The following DERL3 variants were observed in gnomAD, a reference collection of about 807,000 sequenced individuals.
DERL3 encodes the protein derlin-3.
DERL3 carries 20 observed loss-of-function variants against 23.8 expected under a neutral mutation model. The ratio of observed to expected loss-of-function variants is 0.84; its 90% CI spans 0.59 to 1.22. DERL3 has a LOEUF of 1.22. Ranked by LOEUF, DERL3 falls within the 50% of genes most tolerant of loss-of-function variation. The probability of loss-of-function intolerance (pLI) is 0.00; values close to 1 mark genes in which losing one functional copy is unlikely to be tolerated. For missense variants in DERL3, 319 were observed against 304.1 expected (o/e 1.05, Z -0.36); for synonymous variants, 145 against 132.5 (o/e 1.09, Z -0.65).
rs778469886 is a variant in DERL3, at chr22:23,838,278, T to C, written c.327+74A>G. On this transcript the variant is annotated intron_variant, in intron 4 of 6. Coordinates refer to ENST00000318109, the MANE Select transcript of DERL3 (RefSeq NM_001002862.3). Reference sequence around the variant, plus strand: ...TGTGTCCCTCTCTGGCATGGCTGTGTTGGCCCCAGGACCAACACAGGCTGG... The same window carrying C: ...TGTGTCCCTCTCTGGCATGGCTGTGCTGGCCCCAGGACCAACACAGGCTGG... The C allele has an allele frequency of 2.8e-5, 44 of 1,553,298 alleles. 2 individuals are homozygous for C. The South Asian group carries it at 4.7e-4, about 17-fold the overall frequency.
At chr22:23,838,148 T>C in intron 4 of DERL3, 1 of 1,530,100 alleles carries the variant, frequency 6.5e-7, no homozygotes, top group South Asian at 1.2e-5. Context: ...CTGGCTCTTT[T>C]GTGCATGGCT....
At position 23,838,639 on chromosome 22, in the gene DERL3, T is replaced by C. The variant is rs770342811; in HGVS notation, c.160-2A>G. ...GAAGTTGGTGACGAGCCTCCAGACC[T>C]ACGGGGGACGGGCGGTCAGGTGCGG... On this transcript the variant is annotated splice_acceptor_variant, in intron 2 of 6. Transcript: ENST00000318109. LOFTEE classifies it high-confidence loss of function. The C allele has an allele frequency of 3.3e-6, 4 of 1,195,874 alleles. No homozygotes were observed. Among genetic ancestry groups the C allele is most frequent in the South Asian group, 2.5e-5 (2 of 79,132 alleles). 74.1% of individuals were successfully genotyped at this position (1,195,874 alleles called of 1,614,324 possible).
rs1368059606 is a variant in DERL3 at position 23,837,167 on chromosome 22, C to T, written c.524-13G>A. On this transcript the variant is annotated splice_polypyrimidine_tract_variant and intron_variant, in intron 5 of 6. Transcript: ENST00000318109. ...CCCACCGCAATCCCTGTGAGACAGC[C>T]ACGGACTGTGGGGTCACCCTCCACA... is the stretch of plus-strand genomic sequence containing the variant. 4 of 1,613,548 alleles carry T rather than the reference C, an allele frequency of 2.5e-6. No individual in the cohort carries two copies. Among genetic ancestry groups the T allele is most frequent in the Non-Finnish European group, 3.4e-6 (4 of 1,179,780 alleles).
rs370330467 is a variant in DERL3 at position 23,837,819 on chromosome 22, G to A, written c.363C>T (p.Gly121=). Reference sequence around the variant, plus strand: ...ACACCAGCATGGCCATGAGGGCCTGGCCCAGGAAGAACAGGCTGCCCAGGA... The same window carrying A: ...ACACCAGCATGGCCATGAGGGCCTGACCCAGGAAGAACAGGCTGCCCAGGA... The part of the protein sequence containing the change: ...LGLLGSLFFL[G]QALMAMLVYV... Residue 121 remains glycine (G), a synonymous_variant, in exon 5 of 7, where the codon GGC becomes GGT. Coordinates refer to ENST00000318109, the MANE Select transcript of DERL3 (RefSeq NM_001002862.3). 5 of 1,613,476 alleles carry A rather than the reference G, an allele frequency of 3.1e-6. No homozygotes were observed. In the African/African-American group the frequency reaches 5.3e-5, roughly 17 times the overall value.
In DERL3 at chr22:23,836,715, G is replaced by C. The variant is rs762241597; in HGVS notation, c.*154C>G. 5.2e-6 allele frequency: 7 copies of C among 1,343,042 alleles called. No homozygotes were observed. The highest frequency in any genetic ancestry group is 5.7e-6 in the Non-Finnish European group (6 of 1,053,988). The allele number at this position is 1,343,042 out of a possible 1,614,324, so 83.2% of individuals were successfully genotyped here. On this transcript the variant is annotated 3_prime_UTR_variant, in exon 7 of 7. Coordinates refer to ENST00000318109, the MANE Select transcript of DERL3 (RefSeq NM_001002862.3). ...GTGGCCAGGTGAGATGGGGAAGCCA[G>C]TGCTGTGGGCCAAGAGACTGCAGCT...
chr22:23,837,418 C>T (rs950018991), intron 5 of DERL3: 23 of 640,108 alleles, frequency 3.6e-5, no homozygotes, highest in Non-Finnish European at 4.8e-5. Flanking sequence ...CTGACCCTCC[C>T]ATCCTCACTC....
Position 23,837,719 on chromosome 22 carries a change from G to A in DERL3, c.463C>T (p.Pro155Ser), listed in dbSNP as rs950920056. 2 of 1,614,042 alleles carry A rather than the reference G, an allele frequency of 1.2e-6. No individual in the cohort carries two copies. Among genetic ancestry groups the A allele is most frequent in the South Asian group, 2.2e-5 (2 of 91,090 alleles). Residue 155 changes from proline (P) to serine (S), a missense_variant, in exon 5 of 7, where the codon CCT becomes TCT. By Grantham distance (74) the Pro-to-Ser change is moderately conservative. Coordinates refer to ENST00000318109, the MANE Select transcript of DERL3 (RefSeq NM_001002862.3). Reference sequence around the variant, plus strand: ...AGCGAGAAGCCCATGAGCGCCCAAGGCAGGAACGGTGCCTGGAAAGTGAGC... The same window carrying A: ...AGCGAGAAGCCCATGAGCGCCCAAGACAGGAACGGTGCCTGGAAAGTGAGC... ...GLLTFQAPFL[P>S]WALMGFSLLL...
At chr22:23,837,906 C>A (rs1291144603) in intron 4 of DERL3, 52 bp from the exon 5 acceptor site, 1 of 1,544,796 alleles carries the variant, frequency 6.5e-7, no homozygotes, top group Non-Finnish European at 8.8e-7. Flanking sequence ...AGCCCAGGGC[C>A]CCTCTGACTT....
At position 23,835,336 on chromosome 22, in the gene DERL3, A is replaced by C. The variant is rs1005469657; in HGVS notation, c.*1533T>G. On this transcript the variant is annotated 3_prime_UTR_variant, in exon 7 of 7. Transcript: ENST00000318109. ...GAAGAGAATGGGCACAGATCCGGGC[A>C]CAGATCCCAGCACAGACTGCTGCCA... 8 of 1,003,018 alleles carry C rather than the reference A, an allele frequency of 8.0e-6. No homozygotes were observed. Among genetic ancestry groups the C allele is most frequent in the South Asian group, 4.6e-5 (1 of 21,812 alleles). The allele number at this position is 1,003,018 out of a possible 1,614,324, so 62.1% of individuals were successfully genotyped here.
intron 5 of DERL3, 26 bp from the exon 6 acceptor site, chr22:23,837,180 G>A: frequency 6.2e-7 from 1 of 1,612,542 alleles, no homozygotes; most frequent in South Asian, 1.1e-5. Context: ...GGACTGTGGG[G>A]TCACCCTCCA....
At chr22:23,838,091 C>A in intron 4 of DERL3, 1 of 1,491,386 alleles carries the variant, frequency 6.7e-7, no homozygotes. Context: ...CCCAGTTTCT[C>A]CCGGCTACTC....
chr22:23,838,500 G>A (rs1368829339), intron 3 of DERL3, 55 bp from the exon 4 acceptor site: 4 of 1,573,272 alleles, frequency 2.5e-6, no homozygotes, highest in African/African-American at 1.4e-5. Flanking sequence ...TCCCCGTCCC[G>A]GCCTCTCTCC....
rs566893269 is a variant in DERL3, at chr22:23,836,318, A to G, written c.*551T>C. 7.1e-5 allele frequency: 70 copies of G among 985,506 alleles called. No individual in the cohort carries two copies. The African/African-American group carries it at 1.1e-3, about 15-fold the overall frequency. 61.0% of individuals were successfully genotyped at this position (985,506 alleles called of 1,614,324 possible). On this transcript the variant is annotated 3_prime_UTR_variant, in exon 7 of 7. Coordinates refer to ENST00000318109, the MANE Select transcript of DERL3 (RefSeq NM_001002862.3). ...CGCCCACCTGTCAGGGTGGCTGATGAGAGACAGGAGAGGCTAGATTGGCAT... is the reference window on the plus strand; with the variant it reads ...CGCCCACCTGTCAGGGTGGCTGATGGGAGACAGGAGAGGCTAGATTGGCAT...
chr22:23,834,723 TCTC>T lies in DERL3; in HGVS notation c.*2143_*2145del. 3 of 1,439,178 alleles carry T rather than the reference TCTC, an allele frequency of 2.1e-6. No individual in the cohort carries two copies. Among genetic ancestry groups the T allele is most frequent in the Non-Finnish European group, 2.8e-6 (3 of 1,080,868 alleles). 89.2% of individuals were successfully genotyped at this position (1,439,178 alleles called of 1,614,324 possible). ...CTCCTCTCAGCTCCCCTCAGCCTGT[TCTC>T]CTTCCAGACCCAGAGAGCTGAGAAG... is the stretch of plus-strand genomic sequence containing the variant. On this transcript the variant is annotated 3_prime_UTR_variant, in exon 7 of 7. Transcript: ENST00000318109.
intron 6 of DERL3, 49 bp from the exon 7 acceptor site, chr22:23,837,011 G>C: frequency 1.2e-6 from 2 of 1,612,170 alleles, no homozygotes; most frequent in Non-Finnish European, 1.7e-6. Context: ...GGTCCCCATC[G>C]GTGGGGATCC....
In DERL3 at chr22:23,834,505, CAATTTCTTCAACAGGTCAT is replaced by C. The variant is rs1339363175; in HGVS notation, c.*2345_*2363del. The C allele has an allele frequency of 1.2e-5, 6 of 507,390 alleles. No individual in the cohort carries two copies. In the African/African-American group the frequency reaches 1.3e-4, roughly 11 times the overall value. 31.4% of individuals were successfully genotyped at this position (507,390 alleles called of 1,614,324 possible). A position where few individuals can be genotyped will look rare whatever the true frequency, so the allele number is the denominator to read the frequency against. On this transcript the variant is annotated 3_prime_UTR_variant, in exon 7 of 7. Transcript: ENST00000318109. ...TAAATAAAAGGCAACAGGTCATGTT[CAATTTCTTCAACAGGTCAT>C]GTTCAATTTCTTCAAAGTTTTAACA...
rs949785626 is a variant in DERL3 at position 23,834,588 on chromosome 22, G to C, written c.*2281C>G. ...AGCCAGGAGTGGGGCCGGGGCCTGG[G>C]GGGACGAAGGTGGTATGTGAACAAG... is the stretch of plus-strand genomic sequence containing the variant. On this transcript the variant is annotated 3_prime_UTR_variant, in exon 7 of 7. Coordinates refer to ENST00000318109, the MANE Select transcript of DERL3 (RefSeq NM_001002862.3). 130 of 710,390 alleles carry C rather than the reference G, an allele frequency of 1.8e-4. No individual in the cohort carries two copies. Among genetic ancestry groups the C allele is most frequent in the Non-Finnish European group, 2.3e-5 (9 of 396,642 alleles). 44.0% of individuals were successfully genotyped at this position (710,390 alleles called of 1,614,324 possible).
chr22:23,835,087 A>C lies in DERL3; in HGVS notation c.*1782T>G. On this transcript the variant is annotated 3_prime_UTR_variant, in exon 7 of 7. Coordinates refer to ENST00000318109, the MANE Select transcript of DERL3 (RefSeq NM_001002862.3). The stretch of plus-strand genomic sequence containing the variant: ...TGGCCTGGGCCAGCTCCTGCCTTAC[A>C]AGCCAGCTGTGAGGAATATGGGAAT... The C allele has an allele frequency of 7.2e-7, 1 of 1,393,372 alleles. No individual in the cohort carries two copies. The highest frequency in any genetic ancestry group is 9.3e-7 in the Non-Finnish European group (1 of 1,076,560). The allele number at this position is 1,393,372 out of a possible 1,614,324, so 86.3% of individuals were successfully genotyped here. A position where few individuals can be genotyped will look rare whatever the true frequency, so the allele number is the denominator to read the frequency against.
In DERL3 at chr22:23,838,947, G is replaced by T. The variant is rs1239596938; in HGVS notation, c.41C>A (p.Pro14Gln). 2 of 1,584,050 alleles carry T rather than the reference G, an allele frequency of 1.3e-6. No homozygotes were observed. Among genetic ancestry groups the T allele is most frequent in the Non-Finnish European group, 8.6e-7 (1 of 1,165,896 alleles). ...TGCGGTGTAAGCCCGCGTCACCGCC[G>T]GCACCTGCAGGAACTCGGCCGCTAG... Reference protein sequence around the residue: ...QGLAAEFLQVPAVTRAYTAAC... With the variant: ...QGLAAEFLQVQAVTRAYTAAC... Residue 14 changes from proline (P) to glutamine (Q), a missense_variant, in exon 1 of 7, where the codon CCG becomes CAG. By Grantham distance (76) the Pro-to-Gln change is moderately conservative (BLOSUM62 -1). Coordinates refer to ENST00000318109, the MANE Select transcript of DERL3 (RefSeq NM_001002862.3).
Sources: allele counts gnomAD v4.1 joint callset, GRCh38; gene constraint gnomAD v4.1.1; transcripts MANE v1.5; gene names NCBI Gene and HGNC (gene_info 2026-07-23, HGNC 2026-07-21).